ELAVL4: variants seen among roughly 807,000 people sequenced by gnomAD.
ELAVL4 encodes the protein ELAV like RNA binding protein 4, also known as ELAV-like protein 4.
Under a neutral mutation model 35.6 loss-of-function variants are expected in ELAVL4, and 1 was observed. The ratio of observed to expected loss-of-function variants is 0.03; its 90% CI spans 0.01 to 0.13. The LOEUF is 0.13. ELAVL4 is among the 10% of genes least tolerant of loss of function. ELAVL4 has a pLI of 1.00. For synonymous variants in ELAVL4, 156 were observed against 171.0 expected (o/e 0.91, Z 0.69); for missense variants, 267 against 464.9 (o/e 0.57, Z 3.91).
At chr1:50,177,041 T>A in intron 2 of ELAVL4, 48 bp from the exon 3 acceptor site, 1 of 1,495,990 alleles carries the variant, frequency 6.7e-7, no homozygotes, top group Non-Finnish European at 9.3e-7. Context: ...TCTTTCTCTC[T>A]GTCTGTCTCT....
chr1:50,093,899 GTA>G (rs1557698219), intron 1 of ELAVL4, among the ~76,000 whole-genome samples: 1 of 152,176 alleles, frequency 6.6e-6, no homozygotes. Flanking sequence ...AGTAAATGAT[GTA>G]TGTTATTTAA....
intron 2 of ELAVL4, among the ~76,000 whole-genome samples, chr1:50,166,314 A>G (rs901063749): frequency 3.3e-5 from 5 of 152,190 alleles, no homozygotes; most frequent in Non-Finnish European, 5.9e-5. Flanking sequence ...TAATACAACT[A>G]TCCTTCAAAC....
In ELAVL4 at chr1:50,147,870, C is replaced by G. The variant is rs1028862673; in HGVS notation, c.250+2673C>G. Among the ~76,000 whole-genome samples, 17 of 152,102 alleles carry G rather than the reference C, an allele frequency of 1.1e-4. 1 individual carries two copies. Among genetic ancestry groups the G allele is most frequent in the African/African-American group, 3.1e-4 (13 of 41,414 alleles). ...TCCCTAAGAGAATGTAATGGATTCC[C>G]TTAGAAGGTTCTGGCTTCTGCAATG... is the stretch of plus-strand genomic sequence containing the variant. On this transcript the variant is annotated intron_variant, in intron 2 of 6. Transcript: ENST00000371824.
upstream of ELAVL4, chr1:50,106,191 C>T: frequency 1.2e-6 from 1 of 828,744 alleles, no homozygotes; most frequent in Non-Finnish European, 1.9e-6. Context: ...TTCTCCACTG[C>T]GCGGAGTAGG....
chr1:50,139,308 G>A (rs1672426927), intron 1 of ELAVL4, among the ~76,000 whole-genome samples: 1 of 152,160 alleles, frequency 6.6e-6, no homozygotes. Flanking sequence ...TGTGATCTCT[G>A]TGCTGTGGAC....
intron 1 of ELAVL4, among the ~76,000 whole-genome samples, chr1:50,128,520 G>A (rs545290340): frequency 3.2e-4 from 49 of 152,226 alleles, no homozygotes; most frequent in African/African-American, 1.1e-3. Context: ...AAACACAGTC[G>A]CAGTCCTCAA....
chr1:50,158,940 AG>A (rs1272264202), intron 2 of ELAVL4, among the ~76,000 whole-genome samples: 1 of 151,384 alleles, frequency 6.6e-6, no homozygotes, highest in Non-Finnish European at 1.5e-5. Flanking sequence ...CGGGAGGCTG[AG>A]GCAGAGAATT....
chr1:50,165,802 A>ATG (rs1316944145), intron 2 of ELAVL4, among the ~76,000 whole-genome samples: 1 of 151,176 alleles, frequency 6.6e-6, no homozygotes, highest in Non-Finnish European at 1.5e-5. Flanking sequence ...ATATGTGTAT[A>ATG]TGTGTGTGTG....
At chr1:50,162,890 G>GC (rs1677050737) in intron 2 of ELAVL4, among the ~76,000 whole-genome samples, 1 of 152,078 alleles carries the variant, frequency 6.6e-6, no homozygotes, top group African/African-American at 2.4e-5. Flanking sequence ...AGCCAGTCCT[G>GC]TTTTTTTAAA....
At chr1:50,115,442 AT>A (rs1667783339) in intron 1 of ELAVL4, among the ~76,000 whole-genome samples, 1 of 152,238 alleles carries the variant, frequency 6.6e-6, no homozygotes, top group South Asian at 2.1e-4. Context: ...AATGAAAAAA[AT>A]ATATATGTCT....
chr1:50,173,594 C>T (rs185254808), intron 2 of ELAVL4, among the ~76,000 whole-genome samples: 11 of 152,308 alleles, frequency 7.2e-5, no homozygotes, highest in Non-Finnish European at 1.2e-4. Flanking sequence ...GGGCCAAATG[C>T]TCACTATAGT....
intron 1 of ELAVL4, among the ~76,000 whole-genome samples, chr1:50,073,636 A>G (rs1265594522): frequency 6.6e-6 from 1 of 152,108 alleles, no homozygotes; most frequent in Admixed American, 6.5e-5. Flanking sequence ...TTTAGTGGAT[A>G]CACACACACA....
chr1:50,087,755 C>T (rs1245604586), intron 1 of ELAVL4, among the ~76,000 whole-genome samples: 2 of 152,286 alleles, frequency 1.3e-5, no homozygotes, highest in African/African-American at 4.8e-5. Flanking sequence ...AGAGAGAGAT[C>T]TTTCTCTCCA....
At chr1:50,119,444 CT>C (rs1319935148) in intron 1 of ELAVL4, among the ~76,000 whole-genome samples, 1 of 152,038 alleles carries the variant, frequency 6.6e-6, no homozygotes, top group Non-Finnish European at 1.5e-5. Flanking sequence ...GTTGGATATT[CT>C]TAGGACCTTC....
chr1:50,112,784 T>A (rs543691286), intron 1 of ELAVL4, among the ~76,000 whole-genome samples: 26 of 152,236 alleles, frequency 1.7e-4, no homozygotes, highest in African/African-American at 6.3e-4. Context: ...CAAGTCATTC[T>A]CCTGGCCAGA....
chr1:50,084,328 A>G (rs1029720296), intron 1 of ELAVL4, among the ~76,000 whole-genome samples: 6 of 152,202 alleles, frequency 3.9e-5, no homozygotes, highest in Non-Finnish European at 5.9e-5. Flanking sequence ...AACTAAGCTT[A>G]GAAAGGTTAA....
At chr1:50,190,747 G>T (rs1299188845) in intron 3 of ELAVL4, among the ~76,000 whole-genome samples, 1 of 152,150 alleles carries the variant, frequency 6.6e-6, no homozygotes, top group Non-Finnish European at 1.5e-5. Flanking sequence ...TCCCTGGCAG[G>T]GTTCACCCTG....
At chr1:50,130,377 G>A (rs1299156538) in intron 1 of ELAVL4, among the ~76,000 whole-genome samples, 1 of 152,136 alleles carries the variant, frequency 6.6e-6, no homozygotes, top group Non-Finnish European at 1.5e-5. Context: ...TCCATCATGT[G>A]TAGAGTGACA....
At chr1:50,082,855 C>A (rs1037193067) in intron 1 of ELAVL4, among the ~76,000 whole-genome samples, 3 of 152,168 alleles carry the variant, frequency 2.0e-5, no homozygotes, top group Admixed American at 2.0e-4. Context: ...TAGCTACCTA[C>A]CTGTCTGCCT....
Sources: allele counts gnomAD v4.1 joint callset (sites outside exome capture counted in the v4.1 genomes callset), GRCh38; gene constraint gnomAD v4.1.1; transcripts MANE v1.5; gene names NCBI Gene and HGNC (gene_info 2026-07-23, HGNC 2026-07-21).